The following PCDHA2 variants were observed in gnomAD, a reference collection of about 807,000 sequenced individuals.
PCDHA2 encodes the protein protocadherin alpha 2.
In PCDHA2, 58 loss-of-function variants were observed where a neutral mutation model predicts 66.0. That is an observed-to-expected ratio of 0.88 (90% confidence interval 0.71 to 1.09). The LOEUF is 1.09. PCDHA2 is among the 50% of genes least tolerant of loss of function. PCDHA2 has a pLI of 0.00. For missense variants in PCDHA2, 1,267 were observed against 1,242.3 expected, an observed-to-expected ratio of 1.02 and a Z score of -0.30; for synonymous variants, 634 against 554.0, an observed-to-expected ratio of 1.14 and a Z score of -2.03.
chr5:140,857,015 G>A, intron 1 of PCDHA2: 2 of 1,596,400 alleles, frequency 1.3e-6, no homozygotes, highest in Non-Finnish European at 1.7e-6. Context: ...AGATGTTACA[G>A]ATAAGGGAAA....
At chr5:140,888,503 T>C (rs1582952197) in intron 1 of PCDHA2, among the ~76,000 whole-genome samples, 1 of 152,132 alleles carries the variant, frequency 6.6e-6, no homozygotes, top group East Asian at 1.9e-4. Context: ...CTTTAAAGAG[T>C]CTTGGACTTA....
chr5:140,884,335 A>G, intron 1 of PCDHA2: 1 of 1,613,888 alleles, frequency 6.2e-7, no homozygotes, highest in Non-Finnish European at 8.5e-7. Flanking sequence ...CTGTGGGTCC[A>G]GAAGCGGCGC....
In PCDHA2 at chr5:140,847,905, T is replaced by C. The variant is rs2150241062; in HGVS notation, c.2388+50553T>C. 2 of 150,078 alleles carry C rather than the reference T, an allele frequency of 1.3e-5. 1 individual carries two copies. The highest frequency in any genetic ancestry group is 4.2e-4 in the South Asian group (2 of 4,724). The allele number at this position is 150,078 out of a possible 1,614,324, so 9.3% of individuals were successfully genotyped here. A position where few individuals can be genotyped will look rare whatever the true frequency, so the allele number is the denominator to read the frequency against. ...AGTTTCTTTTTCATCAGTAGATTTC[T>C]GGGCTCCTATATTCACTAGAGATTG... is the stretch of plus-strand genomic sequence containing the variant. On this transcript the variant is annotated intron_variant, in intron 1 of 3. Coordinates refer to ENST00000526136, the MANE Select transcript of PCDHA2 (RefSeq NM_018905.3).
intron 1 of PCDHA2, chr5:140,834,386 G>A (rs1295160788): frequency 1.9e-6 from 3 of 1,582,980 alleles, no homozygotes; most frequent in Non-Finnish European, 2.6e-6. Context: ...AATTTGAAAT[G>A]GTGTGCCCGA....
At chr5:140,889,414 C>T (rs1014981678) in intron 1 of PCDHA2, among the ~76,000 whole-genome samples, 3 of 151,934 alleles carry the variant, frequency 2.0e-5, no homozygotes, top group Admixed American at 6.6e-5. Flanking sequence ...GAGTCAGTTA[C>T]GTAGATAATA....
In PCDHA2 at chr5:140,876,738, G is replaced by A. The variant is rs782179304; in HGVS notation, c.2388+79386G>A. 3.1e-6 allele frequency: 5 copies of A among 1,614,264 alleles called. No individual in the cohort carries two copies. In the Admixed American group the frequency reaches 5.0e-5, roughly 16 times the overall value. ...ACCGCGAGAGCGTGTCGGCCTATGA[G>A]CTGGTGGTGACTGCGCGGGATGGGG... On this transcript the variant is annotated intron_variant, in intron 1 of 3. Coordinates refer to ENST00000526136, the MANE Select transcript of PCDHA2 (RefSeq NM_018905.3).
At chr5:140,828,810 C>A (rs1221308735) in intron 1 of PCDHA2, 7 of 1,614,140 alleles carry the variant, frequency 4.3e-6, no homozygotes, top group African/African-American at 1.3e-5. Context: ...GATAATGCTC[C>A]CACTTTCGAA....
chr5:140,807,107 T>A, intron 1 of PCDHA2: 1 of 1,466,078 alleles, frequency 6.8e-7, no homozygotes. Context: ...AGGATGCAGC[T>A]GCACTTGACT....
chr5:140,808,798 T>G (rs2337987), intron 1 of PCDHA2: 868,108 of 1,612,488 alleles, frequency 0.54, 235,386 homozygotes, highest in African/African-American at 0.7. Flanking sequence ...AGGTGACCGC[T>G]CGCGATGCCG....
In PCDHA2 at chr5:141,010,289, C is replaced by G. The variant is rs2098416832; in HGVS notation, c.*352C>G. The G allele has an allele frequency of 4.5e-6, 7 of 1,550,274 alleles. No homozygotes were observed. The highest frequency in any genetic ancestry group is 3.9e-5 in the Admixed American group (2 of 50,654). ...GGGGATCCTGTCTTGATGACACTTG[C>G]AGGGCAGGCTGAAAAGTTTTGAGAT... On this transcript the variant is annotated 3_prime_UTR_variant, in exon 4 of 4. Transcript: ENST00000526136.
At chr5:140,997,116 C>A (rs1554255739) in intron 3 of PCDHA2, among the ~76,000 whole-genome samples, 1 of 152,054 alleles carries the variant, frequency 6.6e-6, no homozygotes, top group Non-Finnish European at 1.5e-5. Context: ...CCTGCTCTCC[C>A]ACATACACAA....
intron 1 of PCDHA2, among the ~76,000 whole-genome samples, chr5:140,943,363 T>C (rs1192531762): frequency 2.0e-5 from 3 of 148,712 alleles, no homozygotes; most frequent in Non-Finnish European, 4.5e-5. Flanking sequence ...GGAAAGGAGA[T>C]CATTAAAATA....
intron 1 of PCDHA2, among the ~76,000 whole-genome samples, chr5:140,839,583 T>A (rs1285207405): frequency 6.6e-6 from 1 of 151,916 alleles, no homozygotes; most frequent in Non-Finnish European, 1.5e-5. Context: ...AGAGATGGGG[T>A]CTTACCATGT....
intron 3 of PCDHA2, among the ~76,000 whole-genome samples, chr5:140,998,540 T>TA (rs1304307081): frequency 6.6e-6 from 1 of 151,542 alleles, no homozygotes; most frequent in African/African-American, 2.4e-5. Context: ...CCCTAATTCC[T>TA]AATTTAATGT....
At chr5:140,823,170 G>A in intron 1 of PCDHA2, 1 of 1,613,908 alleles carries the variant, frequency 6.2e-7, no homozygotes, top group South Asian at 1.1e-5. Context: ...TCGTGAAGGA[G>A]AACAACCCGC....
rs145968482 is a variant in PCDHA2, at chr5:140,977,336, C to G, written c.2389-1613C>G. Among the ~76,000 whole-genome samples, 133 of 152,262 alleles carry G rather than the reference C, an allele frequency of 8.7e-4. 2 individuals carry two copies. The highest frequency in any genetic ancestry group is 3.9e-4 in the East Asian group (2 of 5,188). On this transcript the variant is annotated intron_variant, in intron 1 of 3. Coordinates refer to ENST00000526136, the MANE Select transcript of PCDHA2 (RefSeq NM_018905.3). Reference sequence around the variant, plus strand: ...GTGCTCCTGATGGCGAGGGGAGAGACGGTGATGATGACTGATTGATAAAAA... The same window carrying G: ...GTGCTCCTGATGGCGAGGGGAGAGAGGGTGATGATGACTGATTGATAAAAA...
chr5:140,901,539 A>C (rs192107124), intron 1 of PCDHA2, among the ~76,000 whole-genome samples: 1 of 151,952 alleles, frequency 6.6e-6, no homozygotes, highest in African/African-American at 2.4e-5. Context: ...TTGGTTCTCT[A>C]TTCTGTTCCA....
In PCDHA2 at chr5:140,993,460, TCTCACACA is replaced by T. The variant is rs782648313; in HGVS notation, c.2536+10899_2536+10906del. Among the ~76,000 whole-genome samples, 169 of 104,562 alleles carry T rather than the reference TCTCACACA, an allele frequency of 1.6e-3. 1 individual carries two copies. Among genetic ancestry groups the T allele is most frequent in the East Asian group, 0.012 (43 of 3,448 alleles). 68.6% of individuals were successfully genotyped at this position (104,562 alleles called of 152,430 possible). On this transcript the variant is annotated intron_variant, in intron 3 of 3. Coordinates refer to ENST00000526136, the MANE Select transcript of PCDHA2 (RefSeq NM_018905.3). ...TTCATTCCTGTTCTCCTTCTTTCTT[TCTCACACA>T]CACACACACACACACACACACACAC...
intron 1 of PCDHA2, among the ~76,000 whole-genome samples, chr5:140,923,225 AGCCCAGAAG>A (rs2081250184): frequency 4.2e-5 from 3 of 71,942 alleles, no homozygotes; most frequent in Admixed American, 3.0e-4. Flanking sequence ...GGATCGTTTG[AGCCCAGAAG>A]TTTGAGACCA....
Sources: gnomAD v4.1 joint callset for allele counts (sites outside exome capture counted in the v4.1 genomes callset) on GRCh38, gnomAD v4.1.1 for gene constraint, MANE v1.5 for transcripts, NCBI Gene and HGNC (gene_info 2026-07-23, HGNC 2026-07-21) for gene names.